The following ZNF334 variants were observed in gnomAD, a reference collection of about 807,000 sequenced individuals.
ZNF334 encodes the protein zinc finger protein 334.
ZNF334 carries 14 observed loss-of-function variants against 12.4 expected under a neutral mutation model. That is an observed-to-expected ratio of 1.13 (90% confidence interval 0.74 to 1.76). ZNF334 has a LOEUF of 1.76. Ranked by LOEUF, ZNF334 falls within the 40% of genes most tolerant of loss-of-function variation. The pLI, the probability that ZNF334 is intolerant of heterozygous loss-of-function variation, is 0.00. For synonymous variants in ZNF334, 273 were observed against 269.6 expected, an observed-to-expected ratio of 1.01 and a Z score of -0.12; for missense variants, 797 against 804.5, an observed-to-expected ratio of 0.99 and a Z score of 0.11.
At chr20:46,503,247 CTTGG>C in intron 4 of ZNF334, 150 bp from the exon 5 acceptor site, 1 of 994,114 alleles carries the variant, frequency 1.0e-6, no homozygotes, top group Non-Finnish European at 1.4e-6. Flanking sequence ...ATATCTCTTA[CTTGG>C]TTGATTTGAA....
intron 2 of ZNF334, 103 bp downstream of exon 2, chr20:46,511,979 T>C: frequency 8.6e-7 from 1 of 1,159,816 alleles, no homozygotes; most frequent in Non-Finnish European, 1.3e-6. Flanking sequence ...TCGAATACTC[T>C]TCTCTGATGC....
At chr20:46,471,985 A>G in the ZNF334 span, among the ~76,000 whole-genome samples, 1 of 152,256 alleles carries the variant, frequency 6.6e-6, no homozygotes, top group East Asian at 1.9e-4. Flanking sequence ...CAGGGATTGC[A>G]TTGAATTTAT....
chr20:46,506,917 G>A (rs1234858235), intron 2 of ZNF334, among the ~76,000 whole-genome samples: 1 of 151,842 alleles, frequency 6.6e-6, no homozygotes, highest in Admixed American at 6.6e-5. Context: ...TTCAAGACCA[G>A]CCTAGGCAAC....
chr20:46,476,316 T>A, the ZNF334 span: 7 of 152,198 alleles, frequency 4.6e-5, no homozygotes, highest in African/African-American at 1.7e-4. Context: ...CTGGAGGTGA[T>A]GACAGTGTTC....
At chr20:46,487,086 C>T in the ZNF334 span, among the ~76,000 whole-genome samples, 3 of 152,164 alleles carry the variant, frequency 2.0e-5, no homozygotes, top group East Asian at 5.8e-4. Flanking sequence ...GACTCTGGGG[C>T]TTCTCTTGAT....
At chr20:46,498,742 G>A (rs2061065928), downstream of ZNF334, among the ~76,000 whole-genome samples, 1 of 152,172 alleles carries the variant, frequency 6.6e-6, no homozygotes, top group Non-Finnish European at 1.5e-5. Flanking sequence ...ACCTCAGAAT[G>A]TGACCTTATT....
chr20:46,494,189 A>G, the ZNF334 span, among the ~76,000 whole-genome samples: 1 of 152,234 alleles, frequency 6.6e-6, no homozygotes, highest in Non-Finnish European at 1.5e-5. Context: ...CTTGTATAGA[A>G]GTCGAATTAC....
At chr20:46,464,562 T>C in the ZNF334 span, 1 of 423,590 alleles carries the variant, frequency 2.4e-6, no homozygotes. Flanking sequence ...GATTTTTATA[T>C]GCTGTGGTCT....
At chr20:46,466,347 A>G in the ZNF334 span, among the ~76,000 whole-genome samples, 1 of 152,238 alleles carries the variant, frequency 6.6e-6, no homozygotes, top group Admixed American at 6.5e-5. Context: ...TTACACATTT[A>G]TAAGAAGATT....
chr20:46,502,852 C>T lies in ZNF334; in HGVS notation c.487G>A (p.Asp163Asn). 6.2e-7 allele frequency: 1 copy of T among 1,613,830 alleles called. No individual in the cohort carries two copies. The highest frequency in any genetic ancestry group is 1.1e-5 in the South Asian group (1 of 91,036). ...KKSKENRKIP[D>N]GYSGFGKHEK... ...TGCTTCCCAAATCCACTGTATCCAT[C>T]AGGAATCTTTCTGTTTTCTTTGCTT... The change falls in exon 5 of 5, where the codon GAT becomes AAT. Residue 163 changes from aspartate (D) to asparagine (N), a missense_variant. By Grantham distance (23) the Asp-to-Asn change is conservative. Transcript: ENST00000692313.
the ZNF334 span, among the ~76,000 whole-genome samples, chr20:46,481,576 C>T: frequency 1.3e-5 from 2 of 152,132 alleles, no homozygotes; most frequent in Non-Finnish European, 2.9e-5. Flanking sequence ...AGTTGGACAG[C>T]TTGCATGTGT....
chr20:46,466,055 C>T, the ZNF334 span, among the ~76,000 whole-genome samples: 1 of 152,076 alleles, frequency 6.6e-6, no homozygotes, highest in Admixed American at 6.5e-5. Context: ...GAAGATTATC[C>T]GTCTAGCACA....
chr20:46,470,604 A>G, the ZNF334 span, among the ~76,000 whole-genome samples: 1 of 152,174 alleles, frequency 6.6e-6, no homozygotes, highest in African/African-American at 2.4e-5. Context: ...TTTTTATGCT[A>G]ATTATATTCT....
Position 46,504,747 on chromosome 20 carries a change from G to A in ZNF334, c.22-7C>T. On this transcript the variant is annotated splice_polypyrimidine_tract_variant and splice_region_variant and intron_variant, in intron 2 of 4. Coordinates refer to ENST00000692313, the MANE Select transcript of ZNF334 (RefSeq NM_001353824.2). ...CCTGGAATGAAACTGGTATCTGAAAGAAAATGTTTAATCTTGGGTGACCAA... is the reference window on the plus strand; with the variant it reads ...CCTGGAATGAAACTGGTATCTGAAAAAAAATGTTTAATCTTGGGTGACCAA... 6.3e-7 allele frequency: 1 copy of A among 1,596,650 alleles called. No individual in the cohort carries two copies. Among genetic ancestry groups the A allele is most frequent in the Non-Finnish European group, 8.5e-7 (1 of 1,173,868 alleles).
chr20:46,485,662 T>C, the ZNF334 span: 2 of 152,138 alleles, frequency 1.3e-5, no homozygotes, highest in African/African-American at 2.4e-5. Context: ...AGCTCATTCA[T>C]AGGCTCCTAA....
Position 46,512,068 on chromosome 20 carries a change from C to T in ZNF334, c.21+14G>A. 6.2e-7 allele frequency: 1 copy of T among 1,613,240 alleles called. No homozygotes were observed. The highest frequency in any genetic ancestry group is 8.5e-7 in the Non-Finnish European group (1 of 1,179,402). On this transcript the variant is annotated intron_variant, in intron 2 of 4. Transcript: ENST00000692313. The stretch of plus-strand genomic sequence containing the variant: ...CACTGTATAATGTGAGAAGTAAATC[C>T]CTGAGCAACTTACCTGAAATTTTTT...
the ZNF334 span, among the ~76,000 whole-genome samples, chr20:46,488,444 A>ATAT: frequency 2.4e-5 from 2 of 84,206 alleles, no homozygotes; most frequent in African/African-American, 6.8e-5. Context: ...TATATATATA[A>ATAT]ATACCATAAT....
chr20:46,486,574 T>C, the ZNF334 span, among the ~76,000 whole-genome samples: 1 of 152,174 alleles, frequency 6.6e-6, no homozygotes, highest in African/African-American at 2.4e-5. Context: ...TTTAGTGCCA[T>C]ATAATATTCT....
intron 2 of ZNF334, among the ~76,000 whole-genome samples, chr20:46,508,882 TA>T (rs1030017436): frequency 2.9e-4 from 44 of 152,346 alleles, no homozygotes; most frequent in African/African-American, 9.9e-4. Flanking sequence ...TATTTTTATA[TA>T]TTTTTTATGT....
Sources: gnomAD v4.1 joint callset for allele counts (sites outside exome capture counted in the v4.1 genomes callset) on GRCh38, gnomAD v4.1.1 for gene constraint, MANE v1.5 for transcripts, NCBI Gene and HGNC (gene_info 2026-07-23, HGNC 2026-07-21) for gene names.